The following FCHSD2 variants were observed in gnomAD, a reference collection of about 807,000 sequenced individuals.
The protein encoded by FCHSD2 is FCH and double SH3 domains 2.
Under a neutral mutation model 108.1 loss-of-function variants are expected in FCHSD2, and 38 were observed. The ratio of observed to expected loss-of-function variants is 0.35; its 90% confidence interval spans 0.27 to 0.46. The LOEUF (loss-of-function observed/expected upper bound fraction) is 0.46, where lower values mean the gene tolerates loss of function less well. Ranked by LOEUF, FCHSD2 falls within the 20% of genes least tolerant of loss-of-function variation. The pLI is 1.00. For missense variants in FCHSD2, 751 were observed against 897.8 expected (o/e 0.84, Z 2.09); for synonymous variants, 279 against 314.7 (o/e 0.89, Z 1.20).
At chr11:72,911,468 G>A (rs1032207075) in intron 9 of FCHSD2, among the ~76,000 whole-genome samples, 2 of 152,050 alleles carry the variant, frequency 1.3e-5, no homozygotes, top group Non-Finnish European at 2.9e-5. Flanking sequence ...GGTTATTCTG[G>A]GTCTTTTGTG....
chr11:73,085,792 T>G (rs772981630), intron 2 of FCHSD2, among the ~76,000 whole-genome samples: 4 of 152,094 alleles, frequency 2.6e-5, no homozygotes, highest in Non-Finnish European at 5.9e-5. Flanking sequence ...CTGGTTCAAG[T>G]TGATGTTTAA....
In FCHSD2 at chr11:73,131,274, G is replaced by T. The variant is rs372565576; in HGVS notation, c.119+8757C>A. Among the ~76,000 whole-genome samples the T allele has an allele frequency of 2.8e-3, 418 of 151,546 alleles. 1 individual carries two copies. The highest frequency in any genetic ancestry group is 9.6e-3 in the African/African-American group (396 of 41,254). ...GGTTCACGCCTGTAATCCCAGCACTGTGGGAGGCCGAGGCAGGTGGATCAC... is the reference window on the plus strand; with the variant it reads ...GGTTCACGCCTGTAATCCCAGCACTTTGGGAGGCCGAGGCAGGTGGATCAC... On this transcript the variant is annotated intron_variant, in intron 2 of 19. Coordinates refer to ENST00000409418, the MANE Select transcript of FCHSD2 (RefSeq NM_014824.3).
In FCHSD2 at chr11:72,840,965, G is replaced by T; in HGVS notation, c.2057-6C>A. Reference sequence around the variant, plus strand: ...CTCAGCATGAAGGCTTTTTTCTAAGGGAGAAAACCAAAGAAGCTCATTTTA... The same window carrying T: ...CTCAGCATGAAGGCTTTTTTCTAAGTGAGAAAACCAAAGAAGCTCATTTTA... On this transcript the variant is annotated splice_region_variant and splice_polypyrimidine_tract_variant and intron_variant, in intron 18 of 19. Transcript: ENST00000409418. 1 of 1,607,892 alleles carries T rather than the reference G, an allele frequency of 6.2e-7. No individual in the cohort carries two copies. The highest frequency in any genetic ancestry group is 8.5e-7 in the Non-Finnish European group (1 of 1,174,696).
chr11:73,004,728 G>T (rs1376867646), intron 4 of FCHSD2, among the ~76,000 whole-genome samples: 1 of 152,178 alleles, frequency 6.6e-6, no homozygotes, highest in Non-Finnish European at 1.5e-5. Flanking sequence ...TGGAGAAAAA[G>T]ATAATTACGT....
At chr11:72,957,265 TGA>T (rs1352973656) in intron 8 of FCHSD2, among the ~76,000 whole-genome samples, 2 of 143,450 alleles carry the variant, frequency 1.4e-5, no homozygotes, top group Admixed American at 1.5e-4. Context: ...TTCCCACCTA[TGA>T]GTGAGAATAT....
chr11:72,920,496 T>C (rs1201475564), intron 9 of FCHSD2, among the ~76,000 whole-genome samples: 1 of 152,168 alleles, frequency 6.6e-6, no homozygotes, highest in Non-Finnish European at 1.5e-5. Flanking sequence ...ATCCCAGCAC[T>C]TTGAGAGGCA....
chr11:72,961,401 G>GT (rs1329335789), intron 8 of FCHSD2, among the ~76,000 whole-genome samples: 1 of 140,878 alleles, frequency 7.1e-6, no homozygotes, highest in Non-Finnish European at 1.6e-5. Flanking sequence ...TTTTTAAGAA[G>GT]TTTTTTGTTG....
chr11:73,078,724 T>A (rs1859613161), intron 3 of FCHSD2, among the ~76,000 whole-genome samples: 1 of 151,910 alleles, frequency 6.6e-6, no homozygotes, highest in African/African-American at 2.4e-5. Flanking sequence ...GGATAGGGGA[T>A]TGTTCTTTTT....
rs200377316 is a variant in FCHSD2, at chr11:72,842,777, C to T, written c.1770G>A (p.Glu590=). ...GQTDDELSFP[E]GAIIRILNKE... ...TGTTCAAGATACGGATTATTGCTCC[C>T]TCAGGAAAAGATAACTCATCATCTG... The change falls in exon 17 of 20, where the codon GAG becomes GAA. Residue 590 remains glutamate (E), a synonymous_variant. Transcript: ENST00000409418. The T allele has an allele frequency of 2.5e-6, 4 of 1,613,798 alleles. No individual in the cohort carries two copies. Among genetic ancestry groups the T allele is most frequent in the Non-Finnish European group, 3.4e-6 (4 of 1,179,872 alleles).
chr11:72,841,395 G>A (rs533087423), intron 18 of FCHSD2, 59 bp downstream of exon 18: 28 of 1,465,926 alleles, frequency 1.9e-5, no homozygotes, highest in South Asian at 6.2e-5. Flanking sequence ...CCCTTCAGGC[G>A]AATATGTAGG....
chr11:72,970,111 C>G (rs1856981803), intron 8 of FCHSD2, among the ~76,000 whole-genome samples: 1 of 152,100 alleles, frequency 6.6e-6, no homozygotes, highest in South Asian at 2.1e-4. Flanking sequence ...AAAAAGAAAA[C>G]TAGAGGGAGG....
intron 3 of FCHSD2, among the ~76,000 whole-genome samples, chr11:73,021,630 C>T (rs780893088): frequency 3.3e-5 from 5 of 151,668 alleles, no homozygotes; most frequent in East Asian, 1.9e-4. Context: ...ACCTGGGTAA[C>T]GAAATAATCT....
At chr11:72,934,327 A>C (rs1034959628) in intron 8 of FCHSD2, among the ~76,000 whole-genome samples, 1 of 148,180 alleles carries the variant, frequency 6.7e-6, no homozygotes, top group Admixed American at 6.7e-5. Context: ...ATGAAGAGCC[A>C]TGCCTTTTTT....
chr11:73,107,118 C>A (rs1860363428), intron 2 of FCHSD2, among the ~76,000 whole-genome samples: 2 of 152,054 alleles, frequency 1.3e-5, no homozygotes, highest in African/African-American at 4.8e-5. Context: ...CTCACTGCAA[C>A]CTCCGCCTCC....
intron 2 of FCHSD2, among the ~76,000 whole-genome samples, chr11:73,132,552 G>A (rs1213766103): frequency 6.6e-6 from 1 of 152,292 alleles, no homozygotes; most frequent in African/African-American, 2.4e-5. Context: ...GACAGGCACT[G>A]TGACTCATGC....
chr11:72,943,584 G>A lies in FCHSD2; in HGVS notation c.706-21634C>T, dbSNP rs578077615. Among the ~76,000 whole-genome samples the A allele has an allele frequency of 2.0e-5, 3 of 152,290 alleles. No homozygotes were observed. In the South Asian group the frequency reaches 6.2e-4, roughly 32 times the overall value. The stretch of plus-strand genomic sequence containing the variant: ...GAATGACAGGTGAGACGGAGATGAA[G>A]GGCACAGAAATGGAAGTGAGAATTC... On this transcript the variant is annotated intron_variant, in intron 8 of 19. Transcript: ENST00000409418.
intron 12 of FCHSD2, among the ~76,000 whole-genome samples, chr11:72,883,865 C>T (rs1254417365): frequency 3.3e-5 from 5 of 149,306 alleles, no homozygotes; most frequent in East Asian, 2.0e-4. Flanking sequence ...CCAGGAGGTT[C>T]GGGCGGCAGT....
intron 2 of FCHSD2, among the ~76,000 whole-genome samples, chr11:73,086,461 C>A (rs1397842213): frequency 6.6e-6 from 1 of 151,978 alleles, no homozygotes; most frequent in Admixed American, 6.6e-5. Context: ...AACAGCCTAA[C>A]TTTACAACTT....
intron 10 of FCHSD2, among the ~76,000 whole-genome samples, chr11:72,900,669 T>C (rs1316783950): frequency 2.1e-4 from 6 of 29,060 alleles, no homozygotes; most frequent in African/African-American, 9.1e-4. Flanking sequence ...CAAAAGCTGA[T>C]TTGATTAAAA....
Sources: allele counts gnomAD v4.1 joint callset (sites outside exome capture counted in the v4.1 genomes callset), GRCh38; gene constraint gnomAD v4.1.1; transcripts MANE v1.5; gene names NCBI Gene and HGNC (gene_info 2026-07-23, HGNC 2026-07-21).